RGL1: variants seen among roughly 807,000 people sequenced by gnomAD.
RGL1 encodes ral guanine nucleotide dissociation stimulator-like 1.
A neutral mutation model predicts 95.2 loss-of-function variants in RGL1; 24 were observed. The ratio of observed to expected loss-of-function variants is 0.25; its 90% CI spans 0.18 to 0.35. The LOEUF is 0.35. Ranked by LOEUF, RGL1 falls within the 10% of genes least tolerant of loss-of-function variation. The pLI is 1.00. For missense variants in RGL1, 715 were observed against 936.3 expected, an observed-to-expected ratio of 0.76 and a Z score of 3.08; for synonymous variants, 329 against 344.9, an observed-to-expected ratio of 0.95 and a Z score of 0.51.
At chr1:183,884,009 A>G (rs907391091) in intron 6 of RGL1, 99 bp downstream of exon 6, 34 of 1,292,112 alleles carry the variant, frequency 2.6e-5, no homozygotes, top group Middle Eastern at 3.8e-4. Context: ...TGTGATTTTA[A>G]GTCTTCTTGA....
chr1:183,883,406 C>G (rs1666933834), intron 5 of RGL1, among the ~76,000 whole-genome samples: 1 of 152,182 alleles, frequency 6.6e-6, no homozygotes, highest in African/African-American at 2.4e-5. Context: ...ATAAGTCGCC[C>G]AGCAACCAAA....
At chr1:183,740,324 T>A (rs1316663586) in intron 1 of RGL1, among the ~76,000 whole-genome samples, 1 of 152,204 alleles carries the variant, frequency 6.6e-6, no homozygotes, top group Non-Finnish European at 1.5e-5. Context: ...GTGCTCTATG[T>A]TTCTAAGTAC....
chr1:183,762,945 G>C (rs1348448624), intron 2 of RGL1, among the ~76,000 whole-genome samples: 1 of 152,162 alleles, frequency 6.6e-6, no homozygotes, highest in African/African-American at 2.4e-5. Flanking sequence ...GCACATGTAT[G>C]TTTATCATGG....
At chr1:183,657,729 T>C (rs901436449) in intron 1 of RGL1, among the ~76,000 whole-genome samples, 4 of 151,716 alleles carry the variant, frequency 2.6e-5, no homozygotes, top group African/African-American at 9.7e-5. Context: ...TTTGCTATTG[T>C]GAATAGTGCC....
At chr1:183,880,464 C>G (rs931756277) in intron 4 of RGL1, 152 bp from the exon 5 acceptor site, 4 of 588,698 alleles carry the variant, frequency 6.8e-6, no homozygotes, top group Non-Finnish European at 1.2e-5. Flanking sequence ...GCTTTAAATC[C>G]ATTGATGTTT....
At chr1:183,799,526 T>C (rs1399809365) in intron 2 of RGL1, among the ~76,000 whole-genome samples, 1 of 152,222 alleles carries the variant, frequency 6.6e-6, no homozygotes, top group Non-Finnish European at 1.5e-5. Flanking sequence ...TATCTCATTC[T>C]GGTTTTGTTG....
At position 183,805,205 on chromosome 1, in the gene RGL1, C is replaced by T. The variant is rs1661204524; in HGVS notation, c.-93C>T. The T allele has an allele frequency of 1.3e-6, 2 of 1,542,354 alleles. No homozygotes were observed. The highest frequency in any genetic ancestry group is 1.8e-6 in the Non-Finnish European group (2 of 1,141,918). ...CGGTCGCTCGGGACCGGGACCGGGG[C>T]GAGGCGCCGCGGGGCTGAGCCCAGC... On this transcript the variant is annotated 5_prime_UTR_variant, in exon 1 of 18. Transcript: ENST00000360851.
intron 2 of RGL1, 49 bp from the exon 3 acceptor site, chr1:183,847,517 A>G (rs764439179): frequency 6.1e-6 from 9 of 1,471,582 alleles, no homozygotes; most frequent in Non-Finnish European, 6.6e-6. Flanking sequence ...TTCCAATTTT[A>G]CTTTAGGGAG....
chr1:183,637,210 T>TA (rs1649603998), intron 1 of RGL1, among the ~76,000 whole-genome samples: 1 of 152,270 alleles, frequency 6.6e-6, no homozygotes, highest in African/African-American at 2.4e-5. Context: ...TACATAAATG[T>TA]AAAATGCATG....
At chr1:183,912,640 G>A (rs1159994295) in intron 15 of RGL1, among the ~76,000 whole-genome samples, 1 of 152,180 alleles carries the variant, frequency 6.6e-6, no homozygotes, top group Admixed American at 6.5e-5. Flanking sequence ...ATGTTGCATT[G>A]CATGCCACTC....
At chr1:183,702,231 C>T (rs1478313974) in intron 1 of RGL1, among the ~76,000 whole-genome samples, 3 of 152,044 alleles carry the variant, frequency 2.0e-5, no homozygotes, top group African/African-American at 7.2e-5. Flanking sequence ...CCCTAGTGAA[C>T]AGTTTTTTTT....
intron 13 of RGL1, among the ~76,000 whole-genome samples, chr1:183,905,772 G>A (rs1290532816): frequency 1.3e-5 from 2 of 152,110 alleles, no homozygotes; most frequent in Non-Finnish European, 2.9e-5. Flanking sequence ...GGCCATATGT[G>A]GCCCACTGCC....
intron 2 of RGL1, among the ~76,000 whole-genome samples, chr1:183,768,815 G>A (rs1173153663): frequency 1.3e-5 from 2 of 151,972 alleles, no homozygotes; most frequent in Admixed American, 1.3e-4. Flanking sequence ...TTTTATATAC[G>A]GAATTACATA....
chr1:183,908,170 G>C (rs1316674158), intron 14 of RGL1, among the ~76,000 whole-genome samples: 2 of 152,014 alleles, frequency 1.3e-5, no homozygotes, highest in African/African-American at 4.8e-5. Context: ...GATTTGGGGG[G>C]ATCAGGATTC....
chr1:183,742,195 T>C, exon 2 of RGL1: 1 of 1,613,962 alleles, frequency 6.2e-7, no homozygotes, highest in Non-Finnish European at 8.5e-7. Context: ...ACTCAAGAGG[T>C]GTCTAAATTC....
At chr1:183,860,997 G>A (rs1665481292) in intron 3 of RGL1, among the ~76,000 whole-genome samples, 1 of 152,132 alleles carries the variant, frequency 6.6e-6, no homozygotes, top group Admixed American at 6.5e-5. Flanking sequence ...TGTCATGGCT[G>A]AAATCCCTGC....
At chr1:183,795,701 AC>A in intron 2 of RGL1, among the ~76,000 whole-genome samples, 1 of 152,354 alleles carries the variant, frequency 6.6e-6, no homozygotes, top group South Asian at 2.1e-4. Flanking sequence ...GGATTTAAGA[AC>A]AGGAAAGGAT....
At chr1:183,887,195 C>CT (rs1558272564) in intron 7 of RGL1, among the ~76,000 whole-genome samples, 7 of 1,006 alleles carry the variant, frequency 7.0e-3, no homozygotes, top group East Asian at 0.028. Flanking sequence ...TCCCTCCCTC[C>CT]TTCCCCTCCT....
chr1:183,849,892 T>A lies in RGL1; in HGVS notation c.347+2118T>A, dbSNP rs1319760843. Among the ~76,000 whole-genome samples, 5 of 152,030 alleles carry A rather than the reference T, an allele frequency of 3.3e-5. No individual in the cohort carries two copies. The East Asian group carries it at 9.6e-4, about 29-fold the overall frequency. ...TCTATAGGATAATGTCATAGAAGAG[T>A]CACTAATGGGTCAAAGTATATCAGC... On this transcript the variant is annotated intron_variant, in intron 3 of 17. Transcript: ENST00000360851.
Sources: allele counts gnomAD v4.1 joint callset (sites outside exome capture counted in the v4.1 genomes callset), GRCh38; gene constraint gnomAD v4.1.1; transcripts MANE v1.5; gene names NCBI Gene and HGNC (gene_info 2026-07-23, HGNC 2026-07-21).